UGT8: variants seen among roughly 807,000 people sequenced by gnomAD.
UGT8 encodes 2-hydroxyacylsphingosine 1-beta-galactosyltransferase.
A neutral mutation model predicts 40.5 loss-of-function variants in UGT8; 12 were observed. The observed-to-expected ratio is 0.30, with a 90% CI of 0.19 to 0.48. The LOEUF (loss-of-function observed/expected upper bound fraction) is 0.48. Ranked by LOEUF, UGT8 falls within the 20% of genes least tolerant of loss-of-function variation. The pLI is 0.99. For missense variants in UGT8, 513 were observed against 648.7 expected (o/e 0.79, Z 2.27); for synonymous variants, 224 against 240.4 (o/e 0.93, Z 0.63).
At chr4:114,667,380 TA>T (rs1477402865) in intron 4 of UGT8, among the ~76,000 whole-genome samples, 2 of 152,236 alleles carry the variant, frequency 1.3e-5, no homozygotes, top group African/African-American at 4.8e-5. Context: ...TATAGAAATG[TA>T]GGCCATTTAC....
chr4:114,668,286 AG>A lies in UGT8; in HGVS notation c.1246del (p.Val416LeufsTer33). On this transcript the variant is annotated frameshift_variant, in exon 5 of 6. Coordinates refer to ENST00000310836, the MANE Select transcript of UGT8 (RefSeq NM_001128174.3). LOFTEE classifies it low-confidence loss of function (END_TRUNC). ...AAAGAGCTCTATGAAGCACTAGTGA[AG>A]GTTATCAATAATCCCAGGTAAGGTT... Reference protein sequence around the residue: ...TEKELYEALVKVINNPSYRQR... With the variant: ...TEKELYEALVXVINNPSYRQR... The A allele has an allele frequency of 6.2e-7, 1 of 1,613,718 alleles. No individual in the cohort carries two copies. Among genetic ancestry groups the A allele is most frequent in the Non-Finnish European group, 8.5e-7 (1 of 1,179,690 alleles).
At chr4:114,667,196 C>T (rs557085335) in intron 4 of UGT8, among the ~76,000 whole-genome samples, 1 of 152,250 alleles carries the variant, frequency 6.6e-6, no homozygotes, top group Non-Finnish European at 1.5e-5. Context: ...TCTGGGAGCA[C>T]CATTGAGACC....
chr4:114,616,685 C>T (rs1432973765), intron 1 of UGT8, among the ~76,000 whole-genome samples: 5 of 152,274 alleles, frequency 3.3e-5, no homozygotes, highest in African/African-American at 1.2e-4. Flanking sequence ...CCGTCTTCTG[C>T]GTCACTCATG....
intron 2 of UGT8, among the ~76,000 whole-genome samples, chr4:114,662,273 C>T (rs575163180): frequency 1.3e-5 from 2 of 152,194 alleles, no homozygotes; most frequent in Non-Finnish European, 2.9e-5. Flanking sequence ...TGGAGAAAAT[C>T]ATCTGCCAAG....
chr4:114,674,388 C>T (rs1560713994), intron 5 of UGT8, among the ~76,000 whole-genome samples: 1 of 152,164 alleles, frequency 6.6e-6, no homozygotes. Context: ...TTACCAACTC[C>T]TGCCAACTCT....
intron 1 of UGT8, among the ~76,000 whole-genome samples, chr4:114,600,171 G>T (rs1333276725): frequency 2.0e-5 from 3 of 152,160 alleles, no homozygotes; most frequent in Non-Finnish European, 4.4e-5. Flanking sequence ...AACCAGGCGT[G>T]CTCTGGAGAA....
In UGT8 at chr4:114,664,022, AATGAAC is replaced by A. The variant is rs754876145; in HGVS notation, c.854_859del (p.Glu285_His286del). The A allele has an allele frequency of 6.2e-7, 1 of 1,614,052 alleles. No individual in the cohort carries two copies. The highest frequency in any genetic ancestry group is 1.1e-5 in the South Asian group (1 of 91,072). On this transcript the variant is annotated inframe_deletion, in exon 3 of 6. Transcript: ENST00000310836. ...TCTCCAAAGATGGGTAAATGGTGCT[AATGAAC>A]ATGGCTTTGTCTTGGTGTCTTTTGG...
chr4:114,654,317 G>A (rs569468332), intron 2 of UGT8, among the ~76,000 whole-genome samples: 1 of 152,094 alleles, frequency 6.6e-6, no homozygotes, highest in South Asian at 2.1e-4. Context: ...ACCTCATGTG[G>A]ATCTCTTAGT....
intron 2 of UGT8, among the ~76,000 whole-genome samples, chr4:114,625,172 C>T (rs1227107912): frequency 6.6e-6 from 1 of 152,070 alleles, no homozygotes; most frequent in Non-Finnish European, 1.5e-5. Context: ...TGGTTTTCAT[C>T]TGGGTGATGT....
intron 1 of UGT8, among the ~76,000 whole-genome samples, chr4:114,613,969 G>A (rs1409029136): frequency 6.6e-6 from 1 of 152,180 alleles, no homozygotes; most frequent in Non-Finnish European, 1.5e-5. Context: ...ACAAGGTACT[G>A]AGTGCAGTCT....
At chr4:114,602,049 C>A (rs1307359018) in intron 1 of UGT8, among the ~76,000 whole-genome samples, 1 of 151,970 alleles carries the variant, frequency 6.6e-6, no homozygotes, top group Admixed American at 6.5e-5. Context: ...GTTTAGGTTT[C>A]CAGAAGGGTG....
intron 2 of UGT8, among the ~76,000 whole-genome samples, chr4:114,659,632 G>A (rs1003611051): frequency 2.6e-5 from 4 of 152,100 alleles, no homozygotes; most frequent in Non-Finnish European, 5.9e-5. Context: ...CGTACAAGAC[G>A]ATGCAATTTC....
intron 2 of UGT8, chr4:114,663,655 G>T (rs921931290): frequency 1.0e-6 from 1 of 981,922 alleles, no homozygotes; most frequent in Non-Finnish European, 1.2e-6. Context: ...CACATCTTTT[G>T]TTTGTGTCTG....
At chr4:114,613,141 T>A (rs1378836554) in intron 1 of UGT8, among the ~76,000 whole-genome samples, 2 of 152,148 alleles carry the variant, frequency 1.3e-5, no homozygotes, top group Non-Finnish European at 1.5e-5. Context: ...CATAGATGCA[T>A]GCTGCAATCA....
At chr4:114,607,224 C>A (rs889192247) in intron 1 of UGT8, among the ~76,000 whole-genome samples, 3 of 152,272 alleles carry the variant, frequency 2.0e-5, no homozygotes, top group African/African-American at 7.2e-5. Context: ...AAATGACAAT[C>A]CAGTCTGGGG....
At chr4:114,658,492 A>G (rs749887250) in intron 2 of UGT8, among the ~76,000 whole-genome samples, 5 of 152,180 alleles carry the variant, frequency 3.3e-5, no homozygotes, top group Non-Finnish European at 5.9e-5. Context: ...GAGTGCAAAC[A>G]TGACAGCCTA....
intron 2 of UGT8, chr4:114,663,703 T>C (rs527935785): frequency 2.0e-6 from 2 of 985,226 alleles, no homozygotes; most frequent in South Asian, 9.4e-5. Flanking sequence ...CAGTTGTCAT[T>C]TCCAATTTTT....
At chr4:114,675,187 G>A (rs1372430651) in intron 5 of UGT8, among the ~76,000 whole-genome samples, 1 of 152,008 alleles carries the variant, frequency 6.6e-6, no homozygotes, top group African/African-American at 2.4e-5. Flanking sequence ...TGCTTAAAAA[G>A]TGATAGAATG....
At chr4:114,637,264 T>C (rs1045000401) in intron 2 of UGT8, among the ~76,000 whole-genome samples, 5 of 152,202 alleles carry the variant, frequency 3.3e-5, no homozygotes, top group Non-Finnish European at 7.3e-5. Context: ...TCTACAATGC[T>C]ACAGTGCCTG....
Sources: allele counts gnomAD v4.1 joint callset (sites outside exome capture counted in the v4.1 genomes callset), GRCh38; gene constraint gnomAD v4.1.1; transcripts MANE v1.5; gene names NCBI Gene and HGNC (gene_info 2026-07-23, HGNC 2026-07-21).